The following ADAMTS14 variants were observed in gnomAD, a reference collection of about 807,000 sequenced individuals.
ADAMTS14 encodes A disintegrin and metalloproteinase with thrombospondin motifs 14.
Under a neutral mutation model 128.6 loss-of-function variants are expected in ADAMTS14, and 100 were observed. The ratio of observed to expected loss-of-function variants is 0.78; its 90% confidence interval spans 0.66 to 0.92. ADAMTS14 has a LOEUF of 0.92. ADAMTS14 is among the 40% of genes least tolerant of loss of function. ADAMTS14 has a pLI of 0.00. For synonymous variants in ADAMTS14, 665 were observed against 653.8 expected (o/e 1.02, Z -0.26); for missense variants, 1,562 against 1,658.6 (o/e 0.94, Z 1.01).
rs751971313 is a variant in ADAMTS14 at position 70,708,636 on chromosome 10, A to G, written c.728A>G (p.Gln243Arg). The change falls in exon 4 of 22, where the codon CAG becomes CGG. Residue 243 changes from glutamine (Q) to arginine (R), a missense_variant. Physicochemically the swap from Gln to Arg is conservative, Grantham distance 43. Transcript: ENST00000373207. Reference sequence around the variant, plus strand: ...AACCTGCTGGGCCTGGTGGGGGACCAGCTGGGCGACACAGAGCGGAAGCGG... The same window carrying G: ...AACCTGCTGGGCCTGGTGGGGGACCGGCTGGGCGACACAGAGCGGAAGCGG... Reference protein sequence around the residue: ...LPNLLGLVGDQLGDTERKRRH... With the variant: ...LPNLLGLVGDRLGDTERKRRH... 8 of 1,612,144 alleles carry G rather than the reference A, an allele frequency of 5.0e-6. No homozygotes were observed. The highest frequency in any genetic ancestry group is 6.8e-6 in the Non-Finnish European group (8 of 1,178,476).
chr10:70,755,301 G>A lies in ADAMTS14; in HGVS notation c.2937+1294G>A, dbSNP rs1168768745. ...CACTCCAGCCTGAGTGACAGAGCAA[G>A]AGCTTGTCTCACAAAAAAAAAAAAA... is the stretch of plus-strand genomic sequence containing the variant. On this transcript the variant is annotated intron_variant, in intron 19 of 21. Coordinates refer to ENST00000373207, the MANE Select transcript of ADAMTS14 (RefSeq NM_080722.4). 1.4e-4 allele frequency among the ~76,000 whole-genome samples: 18 copies of A among 131,566 alleles called. No individual in the cohort carries two copies. The Admixed American group carries it at 1.5e-3, about 11-fold the overall frequency. 86.3% of individuals were successfully genotyped at this position (131,566 alleles called of 152,430 possible).
At chr10:70,736,257 G>A (rs926349739) in intron 9 of ADAMTS14, among the ~76,000 whole-genome samples, 29 of 105,652 alleles carry the variant, frequency 2.7e-4, no homozygotes, top group Admixed American at 1.0e-3. Flanking sequence ...TCCCAGCCTC[G>A]TTGGAGTGCT....
chr10:70,705,341 C>T (rs765153230), intron 3 of ADAMTS14, among the ~76,000 whole-genome samples: 4 of 152,212 alleles, frequency 2.6e-5, no homozygotes, highest in East Asian at 1.9e-4. Flanking sequence ...CCAGTTCCCT[C>T]CTGAGGACAC....
chr10:70,736,514 G>A (rs533312125), intron 9 of ADAMTS14, among the ~76,000 whole-genome samples, 166 bp from the exon 10 acceptor site: 6 of 152,270 alleles, frequency 3.9e-5, no homozygotes, highest in African/African-American at 1.4e-4. Context: ...GAGGCTGCCG[G>A]TACTTGGAGT....
At chr10:70,702,978 C>A (rs1284989879) in intron 3 of ADAMTS14, among the ~76,000 whole-genome samples, 9 of 152,148 alleles carry the variant, frequency 5.9e-5, no homozygotes, top group Non-Finnish European at 1.2e-4. Context: ...TCTGAGCCCT[C>A]ATTTTCCTCA....
At chr10:70,746,651 A>G (rs975031611) in intron 15 of ADAMTS14, among the ~76,000 whole-genome samples, 7 of 152,248 alleles carry the variant, frequency 4.6e-5, no homozygotes, top group Admixed American at 3.9e-4. Context: ...CTACAAAAAT[A>G]AAAAATAAAC....
chr10:70,700,503 A>G (rs554728310), intron 2 of ADAMTS14, among the ~76,000 whole-genome samples: 1 of 152,320 alleles, frequency 6.6e-6, no homozygotes, highest in East Asian at 1.9e-4. Context: ...CTGCAAGGAC[A>G]GGGGACATAT....
Position 70,762,038 on chromosome 10 carries a change from G to A in ADAMTS14, c.*1185G>A, listed in dbSNP as rs3740437. 28,416 of 152,718 alleles carry A rather than the reference G, an allele frequency of 0.19. 2,722 individuals carry two copies. The highest frequency in any genetic ancestry group is 0.37 in the East Asian group (1,891 of 5,168). 9.5% of individuals were successfully genotyped at this position (152,718 alleles called of 1,614,324 possible). On this transcript the variant is annotated 3_prime_UTR_variant, in exon 22 of 22. Transcript: ENST00000373207. ...AGGGCCTGAGCTGTGCTCAGCTGCC[G>A]GCCATGCTACCTCCAAGGGACAGGT...
At position 70,704,594 on chromosome 10, in the gene ADAMTS14, A is replaced by C. The variant is rs185480500; in HGVS notation, c.679+2126A>C. On this transcript the variant is annotated intron_variant, in intron 3 of 21. Transcript: ENST00000373207. ...CACACACTGATGCAAACACACGCTC[A>C]CAAACACACACCCATACACCCACGA... 1.8e-3 allele frequency among the ~76,000 whole-genome samples: 274 copies of C among 150,832 alleles called. 2 individuals carry two copies. Among genetic ancestry groups the C allele is most frequent in the Non-Finnish European group, 2.9e-3 (198 of 67,714 alleles).
intron 4 of ADAMTS14, among the ~76,000 whole-genome samples, chr10:70,715,472 T>A (rs985034217): frequency 6.6e-6 from 1 of 152,064 alleles, no homozygotes. Flanking sequence ...CTGAGTGGCC[T>A]GGTCTGAGCC....
rs149884827 is a variant in ADAMTS14, at chr10:70,689,906, G to A, written c.523-12406G>A. ...ACTCAAATGTCACCTTCAGAGCGAC[G>A]TCCTCCCTGGCAACCTTATTCACAA... On this transcript the variant is annotated intron_variant, in intron 2 of 21. Coordinates refer to ENST00000373207, the MANE Select transcript of ADAMTS14 (RefSeq NM_080722.4). 2.3e-3 allele frequency among the ~76,000 whole-genome samples: 332 copies of A among 145,120 alleles called. 19 individuals are homozygous for A. Among genetic ancestry groups the A allele is most frequent in the African/African-American group, 7.8e-3 (319 of 41,066 alleles).
At chr10:70,725,420 A>G (rs1841398113) in intron 4 of ADAMTS14, among the ~76,000 whole-genome samples, 1 of 152,192 alleles carries the variant, frequency 6.6e-6, no homozygotes, top group African/African-American at 2.4e-5. Flanking sequence ...GTAACAAAAT[A>G]TCCTGTGAGT....
At chr10:70,742,866 C>T (rs1842045100) in intron 12 of ADAMTS14, among the ~76,000 whole-genome samples, 3 of 152,238 alleles carry the variant, frequency 2.0e-5, no homozygotes, top group African/African-American at 4.8e-5. Flanking sequence ...AAAGGACTCT[C>T]TTTCTCCCTG....
At chr10:70,733,754 A>C (rs1293530850) in intron 7 of ADAMTS14, 131 bp from the exon 8 acceptor site, 19 of 1,215,926 alleles carry the variant, frequency 1.6e-5, no homozygotes, top group Middle Eastern at 2.5e-4. Context: ...TGGTTGGAAA[A>C]CTGAGGCCAG....
At chr10:70,754,906 C>T (rs12355717) in intron 19 of ADAMTS14, among the ~76,000 whole-genome samples, 3 of 152,218 alleles carry the variant, frequency 2.0e-5, no homozygotes, top group East Asian at 1.9e-4. Flanking sequence ...AGGCCACCTT[C>T]GGGAAACTGC....
chr10:70,755,271 C>T (rs935565314), intron 19 of ADAMTS14, among the ~76,000 whole-genome samples: 1 of 149,902 alleles, frequency 6.7e-6, no homozygotes, highest in African/African-American at 2.5e-5. Flanking sequence ...CATACCATGC[C>T]ACTGCACTCC....
chr10:70,734,862 G>A lies in ADAMTS14; in HGVS notation c.1353-307G>A, dbSNP rs145862135. On this transcript the variant is annotated intron_variant, in intron 8 of 21. Transcript: ENST00000373207. ...ATCAACCATTAGTCTTGGCCATATC[G>A]TGTCCCTCTAAGGTGGGCAAAATGA... Among the ~76,000 whole-genome samples the A allele has an allele frequency of 2.1e-3, 320 of 152,284 alleles. 1 individual carries two copies. Among genetic ancestry groups the A allele is most frequent in the South Asian group, 4.1e-3 (20 of 4,826 alleles).
chr10:70,717,289 G>C (rs1459458724), intron 4 of ADAMTS14, among the ~76,000 whole-genome samples: 1 of 152,152 alleles, frequency 6.6e-6, no homozygotes, highest in Non-Finnish European at 1.5e-5. Context: ...GTTGTGGAGA[G>C]AGGAGGGCTG....
intron 14 of ADAMTS14, among the ~76,000 whole-genome samples, chr10:70,744,903 G>A (rs1253066695): frequency 6.6e-6 from 1 of 152,110 alleles, no homozygotes; most frequent in Non-Finnish European, 1.5e-5. Context: ...AAGAAGCAGG[G>A]AGAGAGAGTC....
Sources: gnomAD v4.1 joint callset for allele counts (sites outside exome capture counted in the v4.1 genomes callset) on GRCh38, gnomAD v4.1.1 for gene constraint, MANE v1.5 for transcripts, NCBI Gene and HGNC (gene_info 2026-07-23, HGNC 2026-07-21) for gene names.